SCAF8: variants seen among roughly 807,000 people sequenced by gnomAD.
SCAF8 encodes the protein SR-related CTD associated factor 8.
Under a neutral mutation model 140.5 loss-of-function variants are expected in SCAF8, and 23 were observed. The observed-to-expected ratio is 0.16, with a 90% CI of 0.12 to 0.23. The LOEUF (loss-of-function observed/expected upper bound fraction) is 0.23. SCAF8 is among the 10% of genes least tolerant of loss of function. SCAF8 has a pLI of 1.00. For synonymous variants in SCAF8, 575 were observed against 528.9 expected (o/e 1.09, Z -1.20); for missense variants, 1,397 against 1,555.7 (o/e 0.90, Z 1.72).
intron 3 of SCAF8, among the ~76,000 whole-genome samples, chr6:154,780,544 C>A (rs1777057027): frequency 6.6e-6 from 1 of 151,710 alleles, no homozygotes; most frequent in South Asian, 2.1e-4. Flanking sequence ...CCCGACTGGC[C>A]CTGATGTGTT....
intron 1 of SCAF8, among the ~76,000 whole-genome samples, chr6:154,745,706 A>T (rs1013279715): frequency 6.6e-6 from 1 of 152,036 alleles, no homozygotes; most frequent in East Asian, 1.9e-4. Flanking sequence ...CTACTTGTCA[A>T]ATTTTCACCA....
intron 4 of SCAF8, among the ~76,000 whole-genome samples, chr6:154,789,747 G>A (rs571799605): frequency 9.9e-5 from 15 of 151,622 alleles, no homozygotes; most frequent in African/African-American, 2.7e-4. Flanking sequence ...GGGTTTCACC[G>A]TGTTAGCCAG....
Position 154,814,023 on chromosome 6 carries a change from T to C in SCAF8, c.1421-1693T>C, listed in dbSNP as rs969703702. Among the ~76,000 whole-genome samples, 6 of 152,384 alleles carry C rather than the reference T, an allele frequency of 3.9e-5. No individual in the cohort carries two copies. The East Asian group carries it at 9.6e-4, about 24-fold the overall frequency. The stretch of plus-strand genomic sequence containing the variant: ...TTTGTTTTATTCTAACTTCATGTTA[T>C]TTTGTTATAGCAGCAATAAAAAACT... On this transcript the variant is annotated intron_variant, in intron 12 of 19. Transcript: ENST00000367178.
In SCAF8 at chr6:154,778,545, A is replaced by C. The variant is rs573267165; in HGVS notation, c.159+500A>C. Among the ~76,000 whole-genome samples the C allele has an allele frequency of 3.0e-3, 457 of 152,310 alleles. 5 individuals carry two copies. Among genetic ancestry groups the C allele is most frequent in the African/African-American group, 0.011 (445 of 41,584 alleles). On this transcript the variant is annotated intron_variant, in intron 3 of 19. Transcript: ENST00000367178. ...TTTGGGAGGCCAAGGTGGGTGGATCACTTGAGGCCAGGAGTTCAAGACTAG... is the reference window on the plus strand; with the variant it reads ...TTTGGGAGGCCAAGGTGGGTGGATCCCTTGAGGCCAGGAGTTCAAGACTAG...
chr6:154,771,088 C>T (rs993606130), intron 1 of SCAF8, among the ~76,000 whole-genome samples: 2 of 152,150 alleles, frequency 1.3e-5, no homozygotes, highest in Admixed American at 6.5e-5. Context: ...AAGGAACTTG[C>T]GTCCTTTGTC....
At chr6:154,780,535 C>T (rs1204014168) in intron 3 of SCAF8, among the ~76,000 whole-genome samples, 1 of 151,850 alleles carries the variant, frequency 6.6e-6, no homozygotes, top group African/African-American at 2.4e-5. Flanking sequence ...TCCCCCACCC[C>T]CGACTGGCCC....
At chr6:154,818,619 G>C (rs1273157602) in intron 14 of SCAF8, 27 bp downstream of exon 14, 1 of 1,170,542 alleles carries the variant, frequency 8.5e-7, no homozygotes, top group Non-Finnish European at 1.3e-6. Context: ...TGGAACTTGG[G>C]GTAGGGGGGC....
intron 1 of SCAF8, among the ~76,000 whole-genome samples, chr6:154,772,754 CTTTT>C (rs111429423): frequency 1.3e-5 from 2 of 151,892 alleles, no homozygotes; most frequent in Non-Finnish European, 2.9e-5. Context: ...CATTAGAGCC[CTTTT>C]TTTGTTTTTT....
At position 154,799,679 on chromosome 6, in the gene SCAF8, GTT is replaced by G. The variant is rs556670828; in HGVS notation, c.607-2287_607-2286del. ...CTGCCCCAAGATCTCTGCTTTTGAA[GTT>G]TTTTATACTGAAAACCCACTTCCCT... On this transcript the variant is annotated intron_variant, in intron 6 of 19. Coordinates refer to ENST00000367178, the MANE Select transcript of SCAF8 (RefSeq NM_014892.5). Among the ~76,000 whole-genome samples the G allele has an allele frequency of 2.8e-3, 429 of 151,338 alleles. 5 individuals carry two copies. The highest frequency in any genetic ancestry group is 0.01 in the African/African-American group (419 of 41,448).
intron 1 of SCAF8, among the ~76,000 whole-genome samples, chr6:154,743,947 A>G (rs1470787331): frequency 6.6e-6 from 1 of 152,252 alleles, no homozygotes; most frequent in Non-Finnish European, 1.5e-5. Context: ...CTATGATGAA[A>G]AAAATCTCTT....
intron 15 of SCAF8, among the ~76,000 whole-genome samples, chr6:154,821,036 T>A (rs564135849): frequency 6.6e-6 from 1 of 152,328 alleles, no homozygotes; most frequent in Non-Finnish European, 1.5e-5. Context: ...CCATTTTTTT[T>A]CTTCCTGTCA....
chr6:154,734,512 A>C (rs1490959514), intron 1 of SCAF8, among the ~76,000 whole-genome samples: 1 of 152,192 alleles, frequency 6.6e-6, no homozygotes, highest in African/African-American at 2.4e-5. Flanking sequence ...GTTATTCTGC[A>C]ATATCTTTTA....
At chr6:154,798,603 C>G (rs1180199632) in intron 6 of SCAF8, among the ~76,000 whole-genome samples, 3 of 151,324 alleles carry the variant, frequency 2.0e-5, no homozygotes, top group African/African-American at 4.8e-5. Context: ...TCACTAGTTC[C>G]TAGAATCAAG....
intron 3 of SCAF8, among the ~76,000 whole-genome samples, chr6:154,784,707 C>T (rs1411787730): frequency 3.3e-5 from 5 of 152,264 alleles, no homozygotes; most frequent in Middle Eastern, 3.4e-3. Flanking sequence ...AGGTTATATG[C>T]AAATACTGCC....
intron 1 of SCAF8, among the ~76,000 whole-genome samples, chr6:154,747,292 T>C (rs748295035): frequency 6.6e-6 from 1 of 152,136 alleles, no homozygotes. Context: ...GGCGGGCTGA[T>C]TGCTTGAGAT....
chr6:154,805,576 A>G lies in SCAF8; in HGVS notation c.981+90A>G, dbSNP rs376240286. The G allele has an allele frequency of 3.1e-3, 1,721 of 551,636 alleles. 8 individuals are homozygous for G. Among genetic ancestry groups the G allele is most frequent in the Non-Finnish European group, 4.7e-3 (1,460 of 313,974 alleles). The allele number at this position is 551,636 out of a possible 1,614,324, so 34.2% of individuals were successfully genotyped here. ...TGTGGGTTGGCTTTTTTTTTTTTTA[A>G]TTGGTCTTAATAGAATATTTTCTCA... On this transcript the variant is annotated intron_variant, in intron 9 of 19. Coordinates refer to ENST00000367178, the MANE Select transcript of SCAF8 (RefSeq NM_014892.5).
At chr6:154,796,488 A>G (rs532225517) in intron 6 of SCAF8, among the ~76,000 whole-genome samples, 6 of 151,864 alleles carry the variant, frequency 4.0e-5, no homozygotes, top group Non-Finnish European at 5.9e-5. Flanking sequence ...AGTGTAAACT[A>G]TTTCACAACT....
At position 154,831,927 on chromosome 6, in the gene SCAF8, CT is replaced by C. The variant is rs562054693; in HGVS notation, c.2360-3del. ...GTTATTTTGAGTTTTTTCTCTCTCT[CT>C]TTTTTTTTAGTGATTCCAAATGATA... On this transcript the variant is annotated splice_polypyrimidine_tract_variant and intron_variant, in intron 19 of 19. Transcript: ENST00000367178. 2.4e-4 allele frequency: 360 copies of C among 1,490,106 alleles called. 1 individual carries two copies. The highest frequency in any genetic ancestry group is 6.0e-4 in the Admixed American group (28 of 46,892). 92.3% of individuals were successfully genotyped at this position (1,490,106 alleles called of 1,614,324 possible).
intron 4 of SCAF8, among the ~76,000 whole-genome samples, chr6:154,789,810 G>A (rs1219787885): frequency 2.6e-5 from 4 of 152,184 alleles, no homozygotes; most frequent in South Asian, 2.1e-4. Flanking sequence ...CTCCCAAAGT[G>A]CTGGGATTAC....
Sources: gnomAD v4.1 joint callset for allele counts (sites outside exome capture counted in the v4.1 genomes callset) on GRCh38, gnomAD v4.1.1 for gene constraint, MANE v1.5 for transcripts, NCBI Gene and HGNC (gene_info 2026-07-23, HGNC 2026-07-21) for gene names.